The following NBEA variants were observed in gnomAD, a reference collection of about 807,000 sequenced individuals.
The protein encoded by NBEA is neurobeachin.
NBEA carries 44 observed loss-of-function variants against 343.4 expected under a neutral mutation model. The ratio of observed to expected loss-of-function variants is 0.13; its 90% confidence interval spans 0.10 to 0.16. NBEA has a LOEUF of 0.16. NBEA is among the 10% of genes least tolerant of loss of function. The pLI is 1.00. For synonymous variants in NBEA, 1,175 were observed against 1,238.7 expected (o/e 0.95, Z 1.08); for missense variants, 2,555 against 3,631.3 (o/e 0.70, Z 7.62).
At chr13:35,431,552 A>T (rs1263643072) in intron 38 of NBEA, among the ~76,000 whole-genome samples, 1 of 152,180 alleles carries the variant, frequency 6.6e-6, no homozygotes, top group Non-Finnish European at 1.5e-5. Context: ...GTGATGGCCA[A>T]TGTTGGCCGT....
At chr13:35,647,400 T>G (rs2084289444) in intron 51 of NBEA, among the ~76,000 whole-genome samples, 1 of 152,180 alleles carries the variant, frequency 6.6e-6, no homozygotes. Context: ...TGTTATTTTG[T>G]GATGGAAGTA....
chr13:35,657,139 T>C (rs2084848985), intron 55 of NBEA, among the ~76,000 whole-genome samples: 2 of 152,210 alleles, frequency 1.3e-5, no homozygotes, highest in East Asian at 1.9e-4. Flanking sequence ...AATGGAGAAA[T>C]ACATTTGTAT....
chr13:35,294,419 T>C (rs996125270), intron 35 of NBEA, among the ~76,000 whole-genome samples: 1 of 152,132 alleles, frequency 6.6e-6, no homozygotes, highest in African/African-American at 2.4e-5. Context: ...ATATTCATTG[T>C]AAGTACTCAG....
intron 38 of NBEA, among the ~76,000 whole-genome samples, chr13:35,355,917 C>T (rs1222112367): frequency 1.3e-5 from 2 of 151,494 alleles, no homozygotes; most frequent in East Asian, 3.9e-4. Flanking sequence ...ACATCTATTA[C>T]TTTGATACTA....
intron 33 of NBEA, among the ~76,000 whole-genome samples, chr13:35,223,143 A>C (rs1415215514): frequency 2.0e-5 from 3 of 152,152 alleles, no homozygotes; most frequent in Non-Finnish European, 2.9e-5. Context: ...AAAAAGAAAA[A>C]GAAAATAAAC....
intron 1 of NBEA, among the ~76,000 whole-genome samples, chr13:35,033,077 C>T (rs1446862478): frequency 6.6e-6 from 1 of 151,754 alleles, no homozygotes; most frequent in Non-Finnish European, 1.5e-5. Flanking sequence ...GAAATTTTTG[C>T]TCAGACCAGT....
chr13:35,352,680 ACT>A (rs2040255997), intron 38 of NBEA, among the ~76,000 whole-genome samples: 1 of 152,062 alleles, frequency 6.6e-6, no homozygotes, highest in Admixed American at 6.6e-5. Context: ...AACTCTTCCT[ACT>A]TATTAAATTT....
chr13:35,419,067 TG>T (rs1224352520), intron 38 of NBEA, among the ~76,000 whole-genome samples: 1 of 152,034 alleles, frequency 6.6e-6, no homozygotes, highest in Non-Finnish European at 1.5e-5. Context: ...ACATGAAACA[TG>T]GTTTGTGTTA....
At chr13:35,585,997 G>T (rs985038230) in intron 46 of NBEA, among the ~76,000 whole-genome samples, 1 of 151,932 alleles carries the variant, frequency 6.6e-6, no homozygotes. Context: ...CTCCATTCTG[G>T]TCTAGATAGG....
intron 41 of NBEA, among the ~76,000 whole-genome samples, chr13:35,536,646 T>TGATAGATAGATAGATA (rs79061692): frequency 7.0e-5 from 7 of 99,402 alleles, no homozygotes; most frequent in African/African-American, 3.8e-4. Context: ...AATAGATAGA[T>TGATAGATAGATAGATA]GATAGATAGA....
intron 41 of NBEA, among the ~76,000 whole-genome samples, chr13:35,525,641 T>C (rs564060715): frequency 1.4e-4 from 22 of 152,302 alleles, no homozygotes; most frequent in African/African-American, 4.8e-4. Context: ...GTACTCTATA[T>C]GGGAACTCTG....
At chr13:34,987,045 G>A (rs928305764) in intron 1 of NBEA, among the ~76,000 whole-genome samples, 1 of 150,956 alleles carries the variant, frequency 6.6e-6, no homozygotes, top group South Asian at 2.1e-4. Context: ...ATCTGATCCT[G>A]TCATTATGCT....
intron 48 of NBEA, among the ~76,000 whole-genome samples, chr13:35,613,208 C>T (rs983296473): frequency 6.6e-6 from 1 of 150,970 alleles, no homozygotes; most frequent in East Asian, 1.9e-4. Flanking sequence ...CTATCCATAT[C>T]TCCCATCAGC....
At chr13:35,163,290 G>A (rs1209768905) in intron 23 of NBEA, among the ~76,000 whole-genome samples, 1 of 151,760 alleles carries the variant, frequency 6.6e-6, no homozygotes, top group Non-Finnish European at 1.5e-5. Flanking sequence ...ACTCTAAAAG[G>A]GTGAGAATTA....
chr13:35,107,926 T>C (rs1032399919), intron 11 of NBEA, among the ~76,000 whole-genome samples: 3 of 152,086 alleles, frequency 2.0e-5, no homozygotes, highest in Non-Finnish European at 4.4e-5. Flanking sequence ...CACCAATCTT[T>C]ATTGTCTCCT....
chr13:35,068,775 A>G (rs2063752265), intron 8 of NBEA, among the ~76,000 whole-genome samples: 1 of 152,214 alleles, frequency 6.6e-6, no homozygotes. Flanking sequence ...ATTTTAAAAT[A>G]TAGTGATTTT....
intron 44 of NBEA, among the ~76,000 whole-genome samples, chr13:35,560,624 A>T (rs1255384355): frequency 6.6e-6 from 1 of 152,172 alleles, no homozygotes; most frequent in Non-Finnish European, 1.5e-5. Context: ...ACCTCAGTGC[A>T]GTTGTGACAA....
chr13:34,954,620 G>A (rs990934423), intron 1 of NBEA, among the ~76,000 whole-genome samples: 2 of 152,120 alleles, frequency 1.3e-5, no homozygotes, highest in African/African-American at 4.8e-5. Flanking sequence ...GGTATCCATG[G>A]AAGATTGGTT....
chr13:35,447,382 C>T (rs963527598), intron 39 of NBEA, among the ~76,000 whole-genome samples: 1 of 151,800 alleles, frequency 6.6e-6, no homozygotes, highest in Non-Finnish European at 1.5e-5. Context: ...TAAAATATAC[C>T]TTTTTTCACA....
Sources: gnomAD v4.1 joint callset for allele counts (sites outside exome capture counted in the v4.1 genomes callset) on GRCh38, gnomAD v4.1.1 for gene constraint, MANE v1.5 for transcripts, NCBI Gene and HGNC (gene_info 2026-07-23, HGNC 2026-07-21) for gene names.